Variants in CACNA2D3 observed in about 807,000 individuals in gnomAD.
The protein encoded by CACNA2D3 is calcium voltage-gated channel auxiliary subunit alpha2delta 3.
In CACNA2D3, 60 loss-of-function variants were observed where a neutral mutation model predicts 160.6. The ratio of observed to expected loss-of-function variants is 0.37; its 90% CI spans 0.30 to 0.46. CACNA2D3 has a LOEUF of 0.46. Among genes scored for constraint, CACNA2D3 ranks in the 20% least tolerant of loss-of-function variants. The pLI is 1.00. For missense variants in CACNA2D3, 1,205 were observed against 1,365.0 expected, an observed-to-expected ratio of 0.88 and a Z score of 1.85; for synonymous variants, 558 against 492.9, an observed-to-expected ratio of 1.13 and a Z score of -1.75.
chr3:54,401,705 G>A (rs779350182), intron 4 of CACNA2D3, among the ~76,000 whole-genome samples: 5 of 152,160 alleles, frequency 3.3e-5, no homozygotes, highest in African/African-American at 7.2e-5. Flanking sequence ...GCAAGCAAAC[G>A]TTGAGAGAAT....
intron 11 of CACNA2D3, among the ~76,000 whole-genome samples, chr3:54,643,744 G>A (rs552264677): frequency 1.3e-5 from 2 of 152,350 alleles, no homozygotes; most frequent in South Asian, 4.1e-4. Context: ...CACCTCTGTA[G>A]CACACGGCCC....
At chr3:54,860,383 C>G (rs969923506) in intron 17 of CACNA2D3, among the ~76,000 whole-genome samples, 1 of 152,094 alleles carries the variant, frequency 6.6e-6, no homozygotes, top group African/African-American at 2.4e-5. Context: ...GTTTCTAAGT[C>G]TCTAGCTGCA....
chr3:54,317,435 A>G (rs1703887641), intron 2 of CACNA2D3, among the ~76,000 whole-genome samples: 1 of 152,242 alleles, frequency 6.6e-6, no homozygotes, highest in African/African-American at 2.4e-5. Context: ...TCCAAGGTCA[A>G]GGGGCCCGAA....
intron 11 of CACNA2D3, among the ~76,000 whole-genome samples, chr3:54,667,904 G>A (rs79524599): frequency 6.6e-6 from 1 of 150,808 alleles, no homozygotes; most frequent in Non-Finnish European, 1.5e-5. Flanking sequence ...CCGTAATTAC[G>A]TGACTGCACT....
At chr3:54,388,547 A>G (rs898072223) in intron 4 of CACNA2D3, among the ~76,000 whole-genome samples, 2 of 152,246 alleles carry the variant, frequency 1.3e-5, no homozygotes, top group African/African-American at 4.8e-5. Flanking sequence ...AGCTCTGAGG[A>G]TGGTTGGAAA....
intron 3 of CACNA2D3, among the ~76,000 whole-genome samples, chr3:54,323,811 G>T (rs991190175): frequency 2.6e-5 from 4 of 152,056 alleles, no homozygotes; most frequent in African/African-American, 9.7e-5. Flanking sequence ...ACAGATTTTA[G>T]GTTTGGCCCT....
intron 35 of CACNA2D3, among the ~76,000 whole-genome samples, chr3:55,037,727 A>G (rs1703859671): frequency 6.6e-6 from 1 of 152,186 alleles, no homozygotes; most frequent in Admixed American, 6.5e-5. Flanking sequence ...TTCTTTTTAT[A>G]AATTGTCGTC....
At chr3:54,529,526 C>T (rs1701775189) in intron 5 of CACNA2D3, among the ~76,000 whole-genome samples, 1 of 152,156 alleles carries the variant, frequency 6.6e-6, no homozygotes, top group Admixed American at 6.5e-5. Flanking sequence ...AGATTCATTC[C>T]ACCTGTCTGG....
intron 4 of CACNA2D3, among the ~76,000 whole-genome samples, chr3:54,430,258 G>A (rs1458959205): frequency 6.6e-6 from 1 of 152,150 alleles, no homozygotes; most frequent in Non-Finnish European, 1.5e-5. Flanking sequence ...ATTATTCTGT[G>A]CAGATTTATC....
intron 10 of CACNA2D3, chr3:54,638,502 G>T (rs2106838558): frequency 6.6e-6 from 1 of 152,084 alleles, no homozygotes; most frequent in South Asian, 2.1e-4. Flanking sequence ...GGCTGAGGAA[G>T]AATTGGGACC....
At chr3:54,260,057 G>A (rs1044401085) in intron 2 of CACNA2D3, among the ~76,000 whole-genome samples, 3 of 152,322 alleles carry the variant, frequency 2.0e-5, no homozygotes, top group East Asian at 3.9e-4. Context: ...GTTTATAGAC[G>A]TGGAGTCAGC....
chr3:54,445,074 G>A (rs975641997), intron 4 of CACNA2D3, among the ~76,000 whole-genome samples: 34 of 152,186 alleles, frequency 2.2e-4, no homozygotes, highest in African/African-American at 8.2e-4. Flanking sequence ...TAACAGGCAG[G>A]TAGCAGATGC....
chr3:54,862,149 A>G (rs989622646), intron 17 of CACNA2D3, among the ~76,000 whole-genome samples: 1 of 152,166 alleles, frequency 6.6e-6, no homozygotes, highest in African/African-American at 2.4e-5. Context: ...ATACATATTT[A>G]TACTGTAAAG....
intron 4 of CACNA2D3, among the ~76,000 whole-genome samples, chr3:54,496,811 G>A (rs1575489316): frequency 6.6e-6 from 1 of 152,242 alleles, no homozygotes; most frequent in Middle Eastern, 3.4e-3. Context: ...ATATGTGTAT[G>A]ATGTGAGTTA....
chr3:54,892,182 C>T (rs17252876), intron 25 of CACNA2D3, among the ~76,000 whole-genome samples: 3 of 152,016 alleles, frequency 2.0e-5, no homozygotes, highest in Admixed American at 6.5e-5. Flanking sequence ...GAAGCAAGAG[C>T]GATTGTTAAG....
chr3:54,746,536 G>A (rs947004917), intron 11 of CACNA2D3, among the ~76,000 whole-genome samples: 4 of 152,252 alleles, frequency 2.6e-5, no homozygotes, highest in South Asian at 2.1e-4. Flanking sequence ...TGCCTAATAC[G>A]GAGGCTGCCA....
At chr3:54,455,754 T>C (rs1700387142) in intron 4 of CACNA2D3, among the ~76,000 whole-genome samples, 1 of 152,116 alleles carries the variant, frequency 6.6e-6, no homozygotes, top group Non-Finnish European at 1.5e-5. Context: ...TTTTTCTATG[T>C]GGTGAGAGAT....
intron 12 of CACNA2D3, among the ~76,000 whole-genome samples, chr3:54,753,041 A>G (rs897590726): frequency 2.0e-4 from 30 of 151,938 alleles, no homozygotes; most frequent in African/African-American, 7.0e-4. Flanking sequence ...TTGTATTTTT[A>G]GTAGAGACGG....
At chr3:54,350,899 G>A (rs951833309) in intron 3 of CACNA2D3, among the ~76,000 whole-genome samples, 2 of 151,392 alleles carry the variant, frequency 1.3e-5, no homozygotes, top group African/African-American at 4.9e-5. Flanking sequence ...ACTTGGTAAG[G>A]GCATACAGAA....
Sources: gnomAD v4.1 joint callset for allele counts (sites outside exome capture counted in the v4.1 genomes callset) on GRCh38, gnomAD v4.1.1 for gene constraint, MANE v1.5 for transcripts, NCBI Gene and HGNC (gene_info 2026-07-23, HGNC 2026-07-21) for gene names.